UNC79: variants seen among roughly 807,000 people sequenced by gnomAD.
The protein encoded by UNC79 is unc-79 subunit of NALCN channel complex, also known as protein unc-79 homolog.
In UNC79, 37 loss-of-function variants were observed where a neutral mutation model predicts 283.1. That is an observed-to-expected ratio of 0.13 (90% CI 0.10 to 0.17). The LOEUF (loss-of-function observed/expected upper bound fraction) is 0.17. UNC79 is among the 10% of genes least tolerant of loss of function. UNC79 has a pLI of 1.00. For synonymous variants in UNC79, 1,107 were observed against 1,200.2 expected, an observed-to-expected ratio of 0.92 and a Z score of 1.61; for missense variants, 2,272 against 3,211.1, an observed-to-expected ratio of 0.71 and a Z score of 7.07.
chr14:93,424,655 A>C (rs1382956627), intron 1 of UNC79, among the ~76,000 whole-genome samples: 2 of 152,134 alleles, frequency 1.3e-5, no homozygotes. Flanking sequence ...GCACCTAAAA[A>C]TTAAAACAAT....
At chr14:93,543,374 T>C (rs1424505432) in intron 14 of UNC79, among the ~76,000 whole-genome samples, 1 of 151,422 alleles carries the variant, frequency 6.6e-6, no homozygotes, top group Non-Finnish European at 1.5e-5. Context: ...AACCCATGTT[T>C]CTTTTTTCCT....
intron 5 of UNC79, among the ~76,000 whole-genome samples, chr14:93,490,067 G>A (rs558724395): frequency 6.6e-6 from 1 of 152,290 alleles, no homozygotes; most frequent in Non-Finnish European, 1.5e-5. Flanking sequence ...AATGTAAGAA[G>A]GTGCCTTGTG....
At chr14:93,353,291 A>C (rs1449995738) in intron 1 of UNC79, among the ~76,000 whole-genome samples, 1 of 152,132 alleles carries the variant, frequency 6.6e-6, no homozygotes, top group Admixed American at 6.6e-5. Flanking sequence ...GAAGCCTTGA[A>C]TTCCTGGGCT....
intron 47 of UNC79, among the ~76,000 whole-genome samples, chr14:93,699,838 T>C (rs1030598475): frequency 1.7e-4 from 26 of 152,214 alleles, no homozygotes; most frequent in African/African-American, 5.8e-4. Flanking sequence ...CAGTTATATT[T>C]GCTATAATTG....
chr14:93,499,226 T>C (rs2059171020), intron 7 of UNC79, among the ~76,000 whole-genome samples: 1 of 152,184 alleles, frequency 6.6e-6, no homozygotes, highest in Non-Finnish European at 1.5e-5. Context: ...GTGCTGTATA[T>C]CACAGATAGC....
At chr14:93,694,458 A>C (rs775135477) in intron 47 of UNC79, 46 bp downstream of exon 50, 4 of 1,526,502 alleles carry the variant, frequency 2.6e-6, no homozygotes, top group Non-Finnish European at 3.6e-6. Flanking sequence ...TACTGCTAAA[A>C]ACAAATGTGG....
intron 26 of UNC79, among the ~76,000 whole-genome samples, chr14:93,606,785 A>T (rs1314594783): frequency 1.3e-5 from 2 of 152,260 alleles, no homozygotes; most frequent in Non-Finnish European, 2.9e-5. Flanking sequence ...TCTGTTTTCT[A>T]TAGAAAGTAT....
intron 1 of UNC79, among the ~76,000 whole-genome samples, chr14:93,439,965 A>G (rs1444674005): frequency 1.3e-5 from 2 of 152,126 alleles, no homozygotes; most frequent in African/African-American, 2.4e-5. Flanking sequence ...TTTCTAATGC[A>G]TACAGTTGGC....
intron 1 of UNC79, among the ~76,000 whole-genome samples, chr14:93,466,012 T>C (rs1022265127): frequency 6.6e-6 from 1 of 152,184 alleles, no homozygotes; most frequent in African/African-American, 2.4e-5. Context: ...GAGAAGGAAA[T>C]GGACTTTTGT....
At chr14:93,583,485 G>A (rs369429060) in intron 20 of UNC79, among the ~76,000 whole-genome samples, 3 of 152,266 alleles carry the variant, frequency 2.0e-5, no homozygotes, top group Non-Finnish European at 4.4e-5. Flanking sequence ...TTCAAACGAA[G>A]GTAACCCTAC....
chr14:93,350,077 A>G (rs1200834519), intron 1 of UNC79, among the ~76,000 whole-genome samples: 3 of 152,150 alleles, frequency 2.0e-5, no homozygotes, highest in East Asian at 1.9e-4. Context: ...ATATGGGAAA[A>G]TGTATTTCTA....
In UNC79 at chr14:93,345,868, C is replaced by T. The variant is rs1226309263; in HGVS notation, c.-351+12345C>T. Among the ~76,000 whole-genome samples, 7 of 151,510 alleles carry T rather than the reference C, an allele frequency of 4.6e-5. No individual in the cohort carries two copies. The South Asian group carries it at 1.0e-3, about 23-fold the overall frequency. On this transcript the variant is annotated intron_variant, in intron 1 of 49. Coordinates refer to the UNC79 transcript ENST00000256339. ...CATATCTAACAGTATCCTGGAGGAA[C>T]GTCACAATTCCAAAGACAAAAAGGA...
Position 93,550,533 on chromosome 14 carries a change from A to AG in UNC79, c.1755+7837_1755+7838insG, listed in dbSNP as rs3060650. Among the ~76,000 whole-genome samples the AG allele has an allele frequency of 1.6e-4, 19 of 122,544 alleles. 3 individuals carry two copies. Among genetic ancestry groups the AG allele is most frequent in the Non-Finnish European group, 2.3e-4 (14 of 61,128 alleles). 80.4% of individuals were successfully genotyped at this position (122,544 alleles called of 152,430 possible). A position where few individuals can be genotyped will look rare whatever the true frequency, so the allele number is the denominator to read the frequency against. ...CCGTATCAAAAAAAAAAAAAAAAAA[A>AG]AAAAAAAAGAGGAAGGAGTCTTCCC... On this transcript the variant is annotated intron_variant, in intron 14 of 48. Coordinates refer to ENST00000555664, the Ensembl canonical transcript of UNC79.
chr14:93,350,861 T>C (rs1295159099), intron 1 of UNC79, among the ~76,000 whole-genome samples: 1 of 152,244 alleles, frequency 6.6e-6, no homozygotes, highest in East Asian at 1.9e-4. Context: ...TGTGGCCTAA[T>C]ACTAAAATGT....
In UNC79 at chr14:93,605,351, A is replaced by G. The variant is rs1483209347; in HGVS notation, c.3754+1933A>G. On this transcript the variant is annotated intron_variant, in intron 26 of 48. Transcript: ENST00000555664. ...TCATTTACATTTTAAAAGGTTATAC[A>G]TTTGAACCACTGTCATCCGCTCATC... is the stretch of plus-strand genomic sequence containing the variant. Among the ~76,000 whole-genome samples the G allele has an allele frequency of 2.6e-5, 4 of 152,304 alleles. No homozygotes were observed. The East Asian group carries it at 7.7e-4, about 29-fold the overall frequency.
intron 25 of UNC79, among the ~76,000 whole-genome samples, chr14:93,602,549 G>A (rs912376336): frequency 5.9e-5 from 9 of 152,104 alleles, no homozygotes; most frequent in Non-Finnish European, 2.9e-5. Context: ...GCCTCCAGAT[G>A]CATTCTTTTT....
intron 30 of UNC79, among the ~76,000 whole-genome samples, chr14:93,626,549 C>CA (rs1442178710): frequency 1.3e-5 from 2 of 152,146 alleles, no homozygotes; most frequent in Non-Finnish European, 2.9e-5. Context: ...CATGTTCTCC[C>CA]AACTATTAGC....
intron 1 of UNC79, among the ~76,000 whole-genome samples, chr14:93,337,603 G>A (rs1161725551): frequency 6.6e-6 from 1 of 152,204 alleles, no homozygotes; most frequent in African/African-American, 2.4e-5. Flanking sequence ...TGGCAGGGCT[G>A]GGCCAGCCCA....
At chr14:93,493,892 TA>T (rs1161397332) in intron 5 of UNC79, among the ~76,000 whole-genome samples, 15,937 of 72,358 alleles carry the variant, frequency 0.22, 1,801 homozygotes, top group Non-Finnish European at 0.26. Flanking sequence ...TATATATATA[TA>T]TATATATATT....
Sources: gnomAD v4.1 joint callset for allele counts (sites outside exome capture counted in the v4.1 genomes callset) on GRCh38, gnomAD v4.1.1 for gene constraint, MANE v1.5 for transcripts, NCBI Gene and HGNC (gene_info 2026-07-23, HGNC 2026-07-21) for gene names.